TAFA4: variants seen among roughly 807,000 people sequenced by gnomAD.
The protein encoded by TAFA4 is chemokine-like protein TAFA-4.
TAFA4 carries 20 observed loss-of-function variants against 21.1 expected under a neutral mutation model. The observed-to-expected ratio is 0.95, with a 90% CI of 0.67 to 1.38. TAFA4 has a LOEUF of 1.38. TAFA4 is among the 40% of genes most tolerant of loss of function. TAFA4 has a pLI of 0.00. For missense variants in TAFA4, 211 were observed against 180.9 expected (o/e 1.17, Z -0.95); for synonymous variants, 71 against 67.4 (o/e 1.05, Z -0.26).
At chr3:68,844,939 T>C (rs115501882) in intron 3 of TAFA4, among the ~76,000 whole-genome samples, 2,034 of 152,312 alleles carry the variant, frequency 0.013, 46 homozygotes, top group African/African-American at 0.046. Context: ...CACTTCCAAT[T>C]GTGTGATCAA....
At chr3:68,788,727 T>A (rs2106809208) in intron 3 of TAFA4, among the ~76,000 whole-genome samples, 1 of 152,210 alleles carries the variant, frequency 6.6e-6, no homozygotes, top group South Asian at 2.1e-4. Context: ...TGTTCCTAGT[T>A]CAGCTTCCCA....
intron 3 of TAFA4, among the ~76,000 whole-genome samples, chr3:68,840,225 T>C (rs1276423569): frequency 6.6e-6 from 1 of 152,178 alleles, no homozygotes; most frequent in African/African-American, 2.4e-5. Context: ...CTGATTGATT[T>C]ATGACAAGGT....
chr3:68,808,209 A>G (rs1703746042), intron 3 of TAFA4, among the ~76,000 whole-genome samples: 1 of 152,132 alleles, frequency 6.6e-6, no homozygotes, highest in Non-Finnish European at 1.5e-5. Flanking sequence ...GTCTCACAAG[A>G]CAGAATTGTT....
chr3:68,880,935 G>T (rs757662123), intron 2 of TAFA4, 90 bp from the exon 3 acceptor site: 3 of 928,214 alleles, frequency 3.2e-6, no homozygotes, highest in Non-Finnish European at 5.0e-6. Context: ...GAGAAAGCAG[G>T]GGCAGATCCC....
At chr3:68,745,899 A>G (rs1426396229) in intron 4 of TAFA4, among the ~76,000 whole-genome samples, 1 of 152,156 alleles carries the variant, frequency 6.6e-6, no homozygotes, top group African/African-American at 2.4e-5. Context: ...AAAGGATGCA[A>G]AGTATTGTTC....
intron 4 of TAFA4, among the ~76,000 whole-genome samples, chr3:68,746,439 C>T (rs768915442): frequency 3.9e-5 from 6 of 152,070 alleles, no homozygotes; most frequent in Admixed American, 6.6e-5. Context: ...CAACTATGAA[C>T]AGAAAAATTA....
chr3:68,734,165 G>GAAAAAA (rs1243616451), intron 5 of TAFA4, among the ~76,000 whole-genome samples: 4 of 152,102 alleles, frequency 2.6e-5, no homozygotes, highest in Non-Finnish European at 5.9e-5. Flanking sequence ...TGTATAGATG[G>GAAAAAA]TAAAATCTGA....
intron 3 of TAFA4, among the ~76,000 whole-genome samples, chr3:68,873,245 GGA>G (rs2089506953): frequency 6.6e-6 from 1 of 150,872 alleles, no homozygotes; most frequent in African/African-American, 2.5e-5. Context: ...GCTCTCACCT[GGA>G]GAGATCAAAC....
Position 68,885,217 on chromosome 3 carries a change from T to A in TAFA4, c.-29A>T. ...ATGTGGTTCTAGTCAAACACACTTA[T>A]TCCAGGATATATTTCAGAGTGACTC... On this transcript the variant is annotated 5_prime_UTR_variant, in exon 2 of 6. Transcript: ENST00000295569. 6.2e-7 allele frequency: 1 copy of A among 1,609,338 alleles called. No individual in the cohort carries two copies. Among genetic ancestry groups the A allele is most frequent in the Non-Finnish European group, 8.5e-7 (1 of 1,177,502 alleles).
At chr3:68,802,182 A>G (rs1176592106) in intron 3 of TAFA4, among the ~76,000 whole-genome samples, 2 of 152,202 alleles carry the variant, frequency 1.3e-5, no homozygotes, top group Non-Finnish European at 2.9e-5. Context: ...CCAGTTAGCT[A>G]ACTTTCATAT....
chr3:68,798,173 C>T (rs1281047220), intron 3 of TAFA4, among the ~76,000 whole-genome samples: 1 of 152,050 alleles, frequency 6.6e-6, no homozygotes, highest in African/African-American at 2.4e-5. Context: ...TACCTAGGTA[C>T]CAAAATTTAC....
intron 3 of TAFA4, among the ~76,000 whole-genome samples, chr3:68,803,362 T>C (rs115713037): frequency 0.017 from 2,627 of 152,270 alleles, 76 homozygotes; most frequent in African/African-American, 0.06. Flanking sequence ...TTTGATTTGA[T>C]TGGTGAAATG....
At chr3:68,819,821 T>C (rs906997368) in intron 3 of TAFA4, among the ~76,000 whole-genome samples, 1 of 152,180 alleles carries the variant, frequency 6.6e-6, no homozygotes. Context: ...AGGGAACGCT[T>C]ACACACTGTT....
chr3:68,813,010 G>T (rs896135097), intron 3 of TAFA4, among the ~76,000 whole-genome samples: 1 of 152,090 alleles, frequency 6.6e-6, no homozygotes, highest in African/African-American at 2.4e-5. Flanking sequence ...TAGAACTCAG[G>T]ATTAAGAAAC....
intron 3 of TAFA4, among the ~76,000 whole-genome samples, chr3:68,797,763 GT>G (rs1265947993): frequency 6.6e-6 from 1 of 152,050 alleles, no homozygotes; most frequent in Admixed American, 6.6e-5. Context: ...AAGACAGAAA[GT>G]AGAACGGTGG....
intron 3 of TAFA4, among the ~76,000 whole-genome samples, chr3:68,793,014 G>T (rs1265960401): frequency 6.6e-6 from 1 of 152,138 alleles, no homozygotes; most frequent in East Asian, 1.9e-4. Flanking sequence ...AAGGAGTTAT[G>T]TTGTCTCTTA....
chr3:68,764,051 A>G (rs1418602916), intron 3 of TAFA4, among the ~76,000 whole-genome samples: 2 of 152,170 alleles, frequency 1.3e-5, no homozygotes, highest in African/African-American at 4.8e-5. Flanking sequence ...TGTGTTATGA[A>G]CGGTACTGAA....
intron 3 of TAFA4, among the ~76,000 whole-genome samples, chr3:68,789,239 A>G (rs1257609402): frequency 1.3e-5 from 2 of 152,112 alleles, no homozygotes; most frequent in Non-Finnish European, 2.9e-5. Context: ...TCAAAAAAAA[A>G]AAAAAAAATC....
chr3:68,851,994 G>A (rs62256068), intron 3 of TAFA4, among the ~76,000 whole-genome samples: 7,827 of 152,258 alleles, frequency 0.051, 276 homozygotes, highest in Non-Finnish European at 0.073. Flanking sequence ...TATCTGTCTG[G>A]GTGGGAGCCC....
Sources: allele counts gnomAD v4.1 joint callset (sites outside exome capture counted in the v4.1 genomes callset), GRCh38; gene constraint gnomAD v4.1.1; transcripts MANE v1.5; gene names NCBI Gene and HGNC (gene_info 2026-07-23, HGNC 2026-07-21).